The following TTBK2 variants were observed in gnomAD, a reference collection of about 807,000 sequenced individuals.
The protein encoded by TTBK2 is tau-tubulin kinase 2.
In TTBK2, 28 loss-of-function variants were observed where a neutral mutation model predicts 110.8. That is an observed-to-expected ratio of 0.25 (90% CI 0.19 to 0.35). TTBK2 has a LOEUF of 0.35. Ranked by LOEUF, TTBK2 falls within the 10% of genes least tolerant of loss-of-function variation. The pLI is 1.00. For synonymous variants in TTBK2, 532 were observed against 527.3 expected (o/e 1.01, Z -0.12); for missense variants, 1,369 against 1,500.3 (o/e 0.91, Z 1.45).
Position 42,775,270 on chromosome 15 carries a change from A to G in TTBK2, c.1863T>C (p.Ser621=). Residue 621 remains serine, a synonymous_variant, in exon 13 of 15, where the codon TCT becomes TCC. Transcript: ENST00000267890. ...AAGCAGCAGTAGGAGGACCCTCTGC[A>G]GAAAGTGCTAAGACCACACCTGAGG... ...KETSGVVLAL[S]AEGPPTAASE... 6.2e-7 allele frequency: 1 copy of G among 1,614,240 alleles called. No individual in the cohort carries two copies. Among genetic ancestry groups the G allele is most frequent in the Non-Finnish European group, 8.5e-7 (1 of 1,180,046 alleles).
At position 42,752,219 on chromosome 15, in the gene TTBK2, A is replaced by G. The variant is rs1449952439; in HGVS notation, c.3027T>C (p.Thr1009=). Residue 1009 remains threonine (T), a synonymous_variant, in exon 14 of 15, where the codon ACT becomes ACC. Transcript: ENST00000267890. ...SDKLLEEKLA[T]VPAPFCEEEV... ...CCTCCTCACAAAAGGGAGCAGGAACAGTAGCTAGTTTCTCCTCTAGCAATT... is the reference window on the plus strand; with the variant it reads ...CCTCCTCACAAAAGGGAGCAGGAACGGTAGCTAGTTTCTCCTCTAGCAATT... 6.2e-7 allele frequency: 1 copy of G among 1,614,006 alleles called. No homozygotes were observed. Among genetic ancestry groups the G allele is most frequent in the African/African-American group, 1.3e-5 (1 of 74,940 alleles).
intron 3 of TTBK2, among the ~76,000 whole-genome samples, chr15:42,843,312 G>A (rs748511647): frequency 1.3e-5 from 2 of 152,152 alleles, no homozygotes; most frequent in Non-Finnish European, 2.9e-5. Context: ...GACAGAAACT[G>A]CTTTTATAAA....
intron 1 of TTBK2, among the ~76,000 whole-genome samples, chr15:42,901,221 G>A (rs753959423): frequency 5.9e-5 from 9 of 151,974 alleles, no homozygotes; most frequent in Non-Finnish European, 1.2e-4. Context: ...AATTAGCCGG[G>A]CGTGGTGGTG....
intron 9 of TTBK2, among the ~76,000 whole-genome samples, chr15:42,807,268 A>T (rs1891507239): frequency 6.6e-6 from 1 of 152,078 alleles, no homozygotes; most frequent in Admixed American, 6.6e-5. Flanking sequence ...ACTGGTTGAG[A>T]TACACATTTT....
In TTBK2 at chr15:42,840,611, G is replaced by C. The variant is rs143804807; in HGVS notation, c.218-178C>G. 5.7e-4 allele frequency: 404 copies of C among 709,794 alleles called. 2 individuals carry two copies. In the East Asian group the frequency reaches 0.011, roughly 19 times the overall value. The allele number at this position is 709,794 out of a possible 1,614,324, so 44.0% of individuals were successfully genotyped here. A position where few individuals can be genotyped will look rare whatever the true frequency, so the allele number is the denominator to read the frequency against. The stretch of plus-strand genomic sequence containing the variant: ...CCTACCTCTTCTCCTCCCAGGCACT[G>C]TACTATTCCTTTGTGTGGTCAAATA... On this transcript the variant is annotated intron_variant, in intron 3 of 14. Coordinates refer to ENST00000267890, the MANE Select transcript of TTBK2 (RefSeq NM_173500.4).
intron 4 of TTBK2, among the ~76,000 whole-genome samples, chr15:42,835,079 T>C (rs901837250): frequency 1.3e-5 from 2 of 152,208 alleles, no homozygotes; most frequent in African/African-American, 2.4e-5. Context: ...ATAGTGAATG[T>C]AGTGGTTTTG....
At chr15:42,762,820 G>A (rs1363874591) in intron 13 of TTBK2, among the ~76,000 whole-genome samples, 2 of 151,914 alleles carry the variant, frequency 1.3e-5, no homozygotes, top group Non-Finnish European at 2.9e-5. Context: ...TGGCAACATG[G>A]ATGGCACTGG....
chr15:42,745,585 T>C lies in TTBK2; in HGVS notation c.*210A>G. On this transcript the variant is annotated 3_prime_UTR_variant, in exon 15 of 15. Coordinates refer to ENST00000267890, the MANE Select transcript of TTBK2 (RefSeq NM_173500.4). ...GGATTTTTGCTCTATTTTTCCTTCT[T>C]GTACAAAGACATTGATTCCTAATCT... 4 of 636,214 alleles carry C rather than the reference T, an allele frequency of 6.3e-6. No homozygotes were observed. Among genetic ancestry groups the C allele is most frequent in the South Asian group, 2.0e-5 (1 of 50,302 alleles). 39.4% of individuals were successfully genotyped at this position (636,214 alleles called of 1,614,324 possible).
At chr15:42,748,835 A>G (rs547736914) in intron 14 of TTBK2, among the ~76,000 whole-genome samples, 6 of 152,248 alleles carry the variant, frequency 3.9e-5, no homozygotes, top group Admixed American at 3.9e-4. Context: ...CATGCAGTAT[A>G]TACTAAAGCA....
chr15:42,881,282 C>CAAAAA (rs10717895), intron 1 of TTBK2, among the ~76,000 whole-genome samples: 105 of 43,418 alleles, frequency 2.4e-3, no homozygotes, highest in Middle Eastern at 0.021. Flanking sequence ...GCTTCCGTCT[C>CAAAAA]AAAAAAAAAA....
intron 11 of TTBK2, among the ~76,000 whole-genome samples, chr15:42,780,868 G>T (rs1404702462): frequency 6.6e-6 from 1 of 152,154 alleles, no homozygotes; most frequent in African/African-American, 2.4e-5. Flanking sequence ...GGAGGCTGAG[G>T]TAGGAGAATC....
chr15:42,752,637 A>G lies in TTBK2; in HGVS notation c.2609T>C (p.Val870Ala), dbSNP rs1260449212. 1.9e-6 allele frequency: 3 copies of G among 1,614,030 alleles called. No individual in the cohort carries two copies. The highest frequency in any genetic ancestry group is 2.5e-6 in the Non-Finnish European group (3 of 1,180,050). The change falls in exon 14 of 15, where the codon GTG becomes GCG. Residue 870 changes from valine (V) to alanine (A), a missense_variant. Around this residue, in one of 4 missense-constraint regions of TTBK2, gnomAD observed 1,097 missense variants for 1,114.7 expected, o/e 0.98. Transcript: ENST00000267890. ...DPHVEGQIGQ[V>A]AEMQKNKISK... Reference sequence around the variant, plus strand: ...TATCTTATTTTTTTGCATTTCTGCCACTTGGCCTATCTGACCTTCAACATG... The same window carrying G: ...TATCTTATTTTTTTGCATTTCTGCCGCTTGGCCTATCTGACCTTCAACATG...
At chr15:42,914,811 G>A (rs2030987414) in intron 1 of TTBK2, among the ~76,000 whole-genome samples, 2 of 152,140 alleles carry the variant, frequency 1.3e-5, no homozygotes, top group Admixed American at 1.3e-4. Flanking sequence ...ATGAACTGTG[G>A]CTGATGAAAC....
At chr15:42,887,075 TC>T (rs1895275493) in intron 1 of TTBK2, among the ~76,000 whole-genome samples, 1 of 152,170 alleles carries the variant, frequency 6.6e-6, no homozygotes, top group African/African-American at 2.4e-5. Flanking sequence ...CACATTACCT[TC>T]TTTTCAAGGG....
Position 42,745,837 on chromosome 15 carries a change from G to T in TTBK2, c.3693C>A (p.Thr1231=). 6.8e-6 allele frequency: 11 copies of T among 1,614,166 alleles called. No homozygotes were observed. The highest frequency in any genetic ancestry group is 9.3e-6 in the Non-Finnish European group (11 of 1,180,034). Residue 1231 remains threonine, a synonymous_variant, in exon 15 of 15, where the codon ACC becomes ACA. Coordinates refer to ENST00000267890, the MANE Select transcript of TTBK2 (RefSeq NM_173500.4). Reference sequence around the variant, plus strand: ...TGGCTGGCTTACTCTTCCCTTGGGGGGTTTTAGTGCTGGCTGAGTGGTGGT... The same window carrying T: ...TGGCTGGCTTACTCTTCCCTTGGGGTGTTTTAGTGCTGGCTGAGTGGTGGT... ...SLHHHSASTK[T]PQGKSKPASK...
intron 10 of TTBK2, among the ~76,000 whole-genome samples, chr15:42,790,877 T>G (rs1890640580): frequency 6.6e-6 from 1 of 151,500 alleles, no homozygotes; most frequent in African/African-American, 2.4e-5. Context: ...TTTTTGTGTG[T>G]TTTTTTTGTT....
Position 42,775,235 on chromosome 15 carries a change from T to C in TTBK2, c.1898A>G (p.Tyr633Cys). 1 of 1,614,250 alleles carries C rather than the reference T, an allele frequency of 6.2e-7. No individual in the cohort carries two copies. Residue 633 changes from tyrosine to cysteine, a missense_variant, in exon 13 of 15, where the codon TAT becomes TGT. Tyr to Cys is a radical substitution (Grantham distance 194, BLOSUM62 -2). This residue lies in a region of TTBK2 where 1,097 missense variants were observed against 1,114.7 expected (regional missense o/e 0.98). Transcript: ENST00000267890. ...EGPPTAASEQ[Y>C]TDRLELQPGA... is the part of the protein sequence containing the mutation. ...AGGCTGGAGTTCCAGCCTATCTGTATATTGTTCTGAAGCAGCAGTAGGAGG... is the reference window on the plus strand; with the variant it reads ...AGGCTGGAGTTCCAGCCTATCTGTACATTGTTCTGAAGCAGCAGTAGGAGG...
At chr15:42,894,145 C>T (rs1895577925) in intron 1 of TTBK2, among the ~76,000 whole-genome samples, 1 of 152,174 alleles carries the variant, frequency 6.6e-6, no homozygotes, top group Non-Finnish European at 1.5e-5. Context: ...CCTGCACACG[C>T]TCTCTTGCCT....
intron 10 of TTBK2, among the ~76,000 whole-genome samples, chr15:42,791,676 T>G (rs1656275266): frequency 6.6e-6 from 1 of 152,232 alleles, no homozygotes; most frequent in South Asian, 2.1e-4. Flanking sequence ...ACCTCAGCCC[T>G]TGGGCAGGGG....
Sources: gnomAD v4.1 joint callset for allele counts (sites outside exome capture counted in the v4.1 genomes callset) on GRCh38, gnomAD v4.1.1 for gene constraint, gnomAD v4.1.1 regional missense constraint, MANE v1.5 for transcripts, NCBI Gene and HGNC (gene_info 2026-07-23, HGNC 2026-07-21) for gene names.